DPP6: variants seen among roughly 807,000 people sequenced by gnomAD.
DPP6 encodes A-type potassium channel modulatory protein DPP6.
In DPP6, 69 loss-of-function variants were observed where a neutral mutation model predicts 122.6. The ratio of observed to expected loss-of-function variants is 0.56; its 90% confidence interval spans 0.46 to 0.69. The LOEUF (loss-of-function observed/expected upper bound fraction) is 0.69, where lower values mean the gene tolerates loss of function less well. Ranked by LOEUF, DPP6 falls within the 30% of genes least tolerant of loss-of-function variation. The probability of loss-of-function intolerance (pLI) is 0.00; values close to 1 mark genes in which losing one functional copy is unlikely to be tolerated. For synonymous variants in DPP6, 418 were observed against 433.1 expected (o/e 0.97, Z 0.43); for missense variants, 928 against 1,116.9 (o/e 0.83, Z 2.41).
chr7:153,946,239 C>T (rs915509764), intron 1 of DPP6, among the ~76,000 whole-genome samples: 2 of 152,166 alleles, frequency 1.3e-5, no homozygotes, highest in African/African-American at 4.8e-5. Context: ...ACTCCGTAGG[C>T]AGAGCAGTGG....
intron 1 of DPP6, among the ~76,000 whole-genome samples, chr7:153,993,547 T>G (rs563924535): frequency 4.6e-5 from 7 of 152,372 alleles, no homozygotes; most frequent in African/African-American, 1.2e-4. Context: ...GGTTACTGTT[T>G]GAACCCAAGG....
At chr7:153,906,296 C>T (rs143815451) in intron 1 of DPP6, among the ~76,000 whole-genome samples, 1 of 152,244 alleles carries the variant, frequency 6.6e-6, no homozygotes, top group Non-Finnish European at 1.5e-5. Flanking sequence ...GTGCTCATCG[C>T]TCATAGACTG....
rs548993153 is a variant in DPP6 at position 154,063,011 on chromosome 7, CT to C, written c.243+9949del. On this transcript the variant is annotated intron_variant, in intron 1 of 25. Coordinates refer to ENST00000377770, the MANE Select transcript of DPP6 (RefSeq NM_130797.4). ...CTGAGAGCCAGTCCCTCTTCCCCCC[CT>C]GGCTCTGAGGAACCCCATCACAGGA... Among the ~76,000 whole-genome samples, 32 of 135,678 alleles carry C rather than the reference CT, an allele frequency of 2.4e-4. 2 individuals carry two copies. Among genetic ancestry groups the C allele is most frequent in the South Asian group, 5.3e-4 (2 of 3,786 alleles). 89.0% of individuals were successfully genotyped at this position (135,678 alleles called of 152,430 possible).
intron 5 of DPP6, among the ~76,000 whole-genome samples, chr7:154,623,029 C>T (rs1313678795): frequency 6.6e-6 from 1 of 152,214 alleles, no homozygotes; most frequent in African/African-American, 2.4e-5. Flanking sequence ...GGAGAGAATG[C>T]ACTTTGTGGA....
At chr7:154,763,384 G>C (rs998833452) in intron 8 of DPP6, among the ~76,000 whole-genome samples, 4 of 151,698 alleles carry the variant, frequency 2.6e-5, no homozygotes, top group Non-Finnish European at 5.9e-5. Flanking sequence ...GAGAAAGAAA[G>C]AAAGGGAAAG....
At chr7:154,503,429 T>G (rs964732592) in intron 3 of DPP6, among the ~76,000 whole-genome samples, 1 of 152,214 alleles carries the variant, frequency 6.6e-6, no homozygotes, top group African/African-American at 2.4e-5. Flanking sequence ...ACCTACACGA[T>G]GTACCTGACC....
chr7:154,832,880 A>C (rs1800741779), intron 16 of DPP6, among the ~76,000 whole-genome samples: 1 of 152,238 alleles, frequency 6.6e-6, no homozygotes, highest in South Asian at 2.1e-4. Flanking sequence ...ACCACACACC[A>C]CATCGCCACT....
chr7:154,781,580 G>A (rs1797033039), intron 10 of DPP6, among the ~76,000 whole-genome samples: 1 of 152,174 alleles, frequency 6.6e-6, no homozygotes, highest in Non-Finnish European at 1.5e-5. Context: ...CAACTGCATG[G>A]CTGCCCGAGA....
At chr7:153,982,652 G>A (rs1050569832) in intron 1 of DPP6, among the ~76,000 whole-genome samples, 13 of 152,020 alleles carry the variant, frequency 8.6e-5, no homozygotes, top group African/African-American at 2.9e-4. Context: ...CAGCCTTTTC[G>A]CGCTGGTTTT....
chr7:154,750,574 A>AC (rs1477070887), intron 8 of DPP6, among the ~76,000 whole-genome samples: 1 of 152,156 alleles, frequency 6.6e-6, no homozygotes, highest in Non-Finnish European at 1.5e-5. Flanking sequence ...GGCGTCCCGC[A>AC]CCGGGCAGAG....
At chr7:153,862,304 G>C in the DPP6 span, among the ~76,000 whole-genome samples, 3 of 152,370 alleles carry the variant, frequency 2.0e-5, no homozygotes, top group South Asian at 6.2e-4. Flanking sequence ...AAAGTTCAGG[G>C]ATTGCAAATG....
At chr7:154,850,343 A>G (rs1480690004) in intron 16 of DPP6, among the ~76,000 whole-genome samples, 1 of 150,762 alleles carries the variant, frequency 6.6e-6, no homozygotes, top group Non-Finnish European at 1.5e-5. Context: ...ATTTGCCAGT[A>G]TTTTGTTGAG....
chr7:153,877,934 T>C, the DPP6 span, among the ~76,000 whole-genome samples: 5 of 152,094 alleles, frequency 3.3e-5, no homozygotes, highest in Non-Finnish European at 5.9e-5. Flanking sequence ...TCCTGGACAC[T>C]ACAAATGACA....
the DPP6 span, among the ~76,000 whole-genome samples, chr7:153,752,619 A>C: frequency 6.8e-6 from 1 of 147,098 alleles, no homozygotes; most frequent in African/African-American, 2.5e-5. Flanking sequence ...AGAGGGTATG[A>C]GTAGGATGGG....
intron 1 of DPP6, among the ~76,000 whole-genome samples, chr7:153,901,278 C>T (rs1262996985): frequency 2.0e-5 from 3 of 152,128 alleles, no homozygotes; most frequent in Non-Finnish European, 4.4e-5. Flanking sequence ...GTTTTAGGTC[C>T]ACCCTGCAAA....
chr7:153,792,921 T>C, the DPP6 span, among the ~76,000 whole-genome samples: 1 of 152,332 alleles, frequency 6.6e-6, no homozygotes, highest in East Asian at 1.9e-4. Context: ...TGCTTTTGCT[T>C]CTTCCTCATT....
intron 6 of DPP6, 21 bp downstream of exon 6, chr7:154,637,894 C>T (rs1554418832): frequency 6.4e-7 from 1 of 1,558,316 alleles, no homozygotes; most frequent in East Asian, 2.4e-5. Flanking sequence ...TCTTTTCTTT[C>T]TTTTAATTAG....
At chr7:154,204,609 T>C (rs1799338333) in intron 1 of DPP6, among the ~76,000 whole-genome samples, 4 of 152,186 alleles carry the variant, frequency 2.6e-5, no homozygotes, top group Non-Finnish European at 5.9e-5. Context: ...GCGAGCCCCA[T>C]TTCCATGGGT....
At chr7:153,884,159 A>G (rs38985), upstream of DPP6, among the ~76,000 whole-genome samples, 7 of 151,926 alleles carry the variant, frequency 4.6e-5, no homozygotes, top group African/African-American at 9.7e-5. Context: ...ATCCCTCCCC[A>G]ATTCCCGCAC....
Sources: allele counts gnomAD v4.1 joint callset (sites outside exome capture counted in the v4.1 genomes callset), GRCh38; gene constraint gnomAD v4.1.1; transcripts MANE v1.5; gene names NCBI Gene and HGNC (gene_info 2026-07-23, HGNC 2026-07-21).